Variants in CELF2 observed in about 807,000 individuals in gnomAD.
CELF2 encodes CUGBP Elav-like family member 2.
CELF2 carries 8 observed loss-of-function variants against 62.6 expected under a neutral mutation model. That is an observed-to-expected ratio of 0.13 (90% CI 0.07 to 0.23). The LOEUF is 0.23. Among genes scored for constraint, CELF2 ranks in the 10% least tolerant of loss-of-function variants. The probability of loss-of-function intolerance (pLI) is 1.00; values close to 1 mark genes in which losing one functional copy is unlikely to be tolerated. For synonymous variants in CELF2, 258 were observed against 250.0 expected, an observed-to-expected ratio of 1.03 and a Z score of -0.30; for missense variants, 333 against 671.0, an observed-to-expected ratio of 0.50 and a Z score of 5.56.
the CELF2 span, among the ~76,000 whole-genome samples, chr10:10,657,229 A>G: frequency 6.6e-6 from 1 of 152,128 alleles, no homozygotes; most frequent in African/African-American, 2.4e-5. Context: ...AAAAAAGTAG[A>G]TGAGTGACTG....
At chr10:10,890,964 G>A (rs372035060) in intron 1 of CELF2, among the ~76,000 whole-genome samples, 1 of 152,082 alleles carries the variant, frequency 6.6e-6, no homozygotes, top group Non-Finnish European at 1.5e-5. Flanking sequence ...GCAGTGAGCC[G>A]AGACTGCAGC....
intron 9 of CELF2, among the ~76,000 whole-genome samples, chr10:11,294,139 A>T (rs899768014): frequency 6.6e-6 from 1 of 152,230 alleles, no homozygotes; most frequent in African/African-American, 2.4e-5. Flanking sequence ...GTGGCTTTCA[A>T]AATGTTCTGA....
chr10:11,277,990 C>T (rs1042662938), intron 8 of CELF2, among the ~76,000 whole-genome samples: 8 of 152,116 alleles, frequency 5.3e-5, no homozygotes, highest in Admixed American at 1.3e-4. Flanking sequence ...ATTTTAGAAA[C>T]GAATAATATT....
At chr10:10,869,790 G>C (rs2060620329) in intron 1 of CELF2, among the ~76,000 whole-genome samples, 1 of 152,058 alleles carries the variant, frequency 6.6e-6, no homozygotes, top group Non-Finnish European at 1.5e-5. Flanking sequence ...TCAACATAAT[G>C]AGTCATTTAG....
chr10:10,657,147 T>G, the CELF2 span, among the ~76,000 whole-genome samples: 1 of 151,914 alleles, frequency 6.6e-6, no homozygotes, highest in Non-Finnish European at 1.5e-5. Context: ...AAAGAAGAAG[T>G]CAGACACAAA....
chr10:11,126,569 A>G (rs765624746), intron 1 of CELF2, among the ~76,000 whole-genome samples: 2 of 152,216 alleles, frequency 1.3e-5, no homozygotes, highest in Non-Finnish European at 2.9e-5. Context: ...ATGTATATAA[A>G]AATTGCCTTT....
intron 1 of CELF2, among the ~76,000 whole-genome samples, chr10:11,069,727 G>T (rs894979820): frequency 2.6e-5 from 4 of 152,204 alleles, no homozygotes; most frequent in East Asian, 1.9e-4. Context: ...CTAATTGATT[G>T]CACCAAATCC....
chr10:11,036,221 A>G (rs1270655093), intron 1 of CELF2, among the ~76,000 whole-genome samples: 1 of 152,236 alleles, frequency 6.6e-6, no homozygotes, highest in Non-Finnish European at 1.5e-5. Context: ...ATTTCTCTTC[A>G]GCTTATAGAC....
At chr10:11,127,604 T>C (rs2058935518) in intron 1 of CELF2, among the ~76,000 whole-genome samples, 1 of 152,264 alleles carries the variant, frequency 6.6e-6, no homozygotes, top group African/African-American at 2.4e-5. Flanking sequence ...TGTGAGATGG[T>C]ATCTCATTGT....
chr10:11,089,190 C>G (rs576765111), intron 1 of CELF2, among the ~76,000 whole-genome samples: 1 of 152,128 alleles, frequency 6.6e-6, no homozygotes, highest in African/African-American at 2.4e-5. Context: ...GGCAGGGTCA[C>G]GTTGCAAAAG....
chr10:10,822,606 A>T (rs987756993), intron 1 of CELF2, among the ~76,000 whole-genome samples: 1 of 152,220 alleles, frequency 6.6e-6, no homozygotes, highest in Admixed American at 6.5e-5. Flanking sequence ...TGGGGAAAAG[A>T]TGTCTTTTTA....
At chr10:10,561,570 A>T in the CELF2 span, among the ~76,000 whole-genome samples, 627 of 152,316 alleles carry the variant, frequency 4.1e-3, 2 homozygotes, top group Admixed American at 5.6e-3. Flanking sequence ...AGTGCTAAGG[A>T]GAAAAATAAG....
chr10:10,564,682 GCACACACACA>G, the CELF2 span, among the ~76,000 whole-genome samples: 8 of 130,774 alleles, frequency 6.1e-5, no homozygotes, highest in Non-Finnish European at 8.6e-5. Context: ...ACGCACACAC[GCACACACACA>G]CACACACACA....
At chr10:11,238,912 TATTATTTAGTATGA>T (rs1374193586) in intron 3 of CELF2, among the ~76,000 whole-genome samples, 1 of 152,218 alleles carries the variant, frequency 6.6e-6, no homozygotes, top group Non-Finnish European at 1.5e-5. Flanking sequence ...AAGCTTGTGT[TATTATTTAGTATGA>T]AAACACAGAA....
At chr10:11,148,832 A>G (rs74706386) in intron 1 of CELF2, among the ~76,000 whole-genome samples, 9,573 of 151,208 alleles carry the variant, frequency 0.063, 397 homozygotes, top group African/African-American at 0.12. Flanking sequence ...ATCGATTATT[A>G]TCTTAAACCA....
At chr10:10,899,514 G>C (rs560896078) in intron 1 of CELF2, among the ~76,000 whole-genome samples, 11 of 152,270 alleles carry the variant, frequency 7.2e-5, no homozygotes, top group African/African-American at 2.4e-4. Context: ...AAGTATTTTT[G>C]GCTTTGAGGG....
the CELF2 span, among the ~76,000 whole-genome samples, chr10:10,775,774 A>C: frequency 6.6e-6 from 1 of 152,238 alleles, no homozygotes; most frequent in Non-Finnish European, 1.5e-5. Flanking sequence ...TAATAAAAAC[A>C]ATCTTTAATA....
intron 1 of CELF2, among the ~76,000 whole-genome samples, chr10:10,813,680 G>A (rs926982396): frequency 2.6e-5 from 4 of 152,136 alleles, no homozygotes; most frequent in African/African-American, 9.7e-5. Context: ...CTATTTAAAA[G>A]GTTTATTCCA....
chr10:10,760,087 A>G, the CELF2 span, among the ~76,000 whole-genome samples: 1 of 152,116 alleles, frequency 6.6e-6, no homozygotes, highest in Non-Finnish European at 1.5e-5. Flanking sequence ...TGTTTTTAGT[A>G]GAGACAGGGT....
Sources: gnomAD v4.1 joint callset for allele counts (sites outside exome capture counted in the v4.1 genomes callset) on GRCh38, gnomAD v4.1.1 for gene constraint, MANE v1.5 for transcripts, NCBI Gene and HGNC (gene_info 2026-07-23, HGNC 2026-07-21) for gene names.